The following GPC6 variants were observed in gnomAD, a reference collection of about 807,000 sequenced individuals.
GPC6 encodes the protein glypican 6, also known as glypican-6.
Under a neutral mutation model 55.2 loss-of-function variants are expected in GPC6, and 14 were observed. The observed-to-expected ratio is 0.25, with a 90% CI of 0.17 to 0.40. The LOEUF is 0.40. Among genes scored for constraint, GPC6 ranks in the 10% least tolerant of loss-of-function variants. The pLI is 1.00. For missense variants in GPC6, 641 were observed against 708.5 expected (o/e 0.90, Z 1.08); for synonymous variants, 278 against 259.6 (o/e 1.07, Z -0.68).
chr13:93,808,672 G>A (rs1372608747), intron 2 of GPC6, among the ~76,000 whole-genome samples: 1 of 152,198 alleles, frequency 6.6e-6, no homozygotes, highest in Non-Finnish European at 1.5e-5. Context: ...CCTATGGAAA[G>A]CAAGTTTATT....
rs1255297848 is a variant in GPC6, at chr13:93,354,359, T to TTTTGTTTTG, written c.160+126746_160+126747insGTTTTGTTT. Among the ~76,000 whole-genome samples the TTTTGTTTTG allele has an allele frequency of 1.5e-3, 212 of 138,632 alleles. 4 individuals are homozygous for TTTTGTTTTG. Among genetic ancestry groups the TTTTGTTTTG allele is most frequent in the South Asian group, 6.8e-3 (28 of 4,130 alleles). The allele number at this position is 138,632 out of a possible 152,430, so 90.9% of individuals were successfully genotyped here. A position where few individuals can be genotyped will look rare whatever the true frequency, so the allele number is the denominator to read the frequency against. On this transcript the variant is annotated intron_variant, in intron 1 of 8. Transcript: ENST00000377047. Reference sequence around the variant, plus strand: ...TGCTTCCGTTGGTAGATTTTTTTTTTTTTTTTTTTGAGACAGAGTCTCGCT... The same window carrying TTTTGTTTTG: ...TGCTTCCGTTGGTAGATTTTTTTTTTTTTGTTTTGTTTTTTTTTGAGACAGAGTCTCGCT...
At chr13:93,234,554 G>A (rs1876167527) in intron 1 of GPC6, among the ~76,000 whole-genome samples, 1 of 152,174 alleles carries the variant, frequency 6.6e-6, no homozygotes, top group Non-Finnish European at 1.5e-5. Context: ...TAGGACTAGA[G>A]TGGTGACCAT....
At chr13:93,305,975 T>A (rs997668318) in intron 1 of GPC6, among the ~76,000 whole-genome samples, 12 of 152,166 alleles carry the variant, frequency 7.9e-5, no homozygotes, top group African/African-American at 2.9e-4. Flanking sequence ...AAGATTAAGG[T>A]AGTTTTAAAA....
At position 93,881,162 on chromosome 13, in the gene GPC6, T is replaced by C. The variant is rs543373219; in HGVS notation, c.711+50617T>C. ...CTTGATGGTGGAAATAGAATGTGAG[T>C]AGAGCTGGTGTGGGGTGCACTGGTG... is the stretch of plus-strand genomic sequence containing the variant. On this transcript the variant is annotated intron_variant, in intron 3 of 8. Transcript: ENST00000377047. Among the ~76,000 whole-genome samples, 7 of 152,194 alleles carry C rather than the reference T, an allele frequency of 4.6e-5. No homozygotes were observed. In the South Asian group the frequency reaches 1.2e-3, roughly 27 times the overall value.
At chr13:93,473,694 C>T (rs927045129) in intron 1 of GPC6, among the ~76,000 whole-genome samples, 5 of 152,228 alleles carry the variant, frequency 3.3e-5, no homozygotes, top group Non-Finnish European at 7.3e-5. Flanking sequence ...CCTGACCATG[C>T]TGCTCCCCTA....
At chr13:94,238,976 T>C (rs760831531) in intron 4 of GPC6, among the ~76,000 whole-genome samples, 1 of 152,190 alleles carries the variant, frequency 6.6e-6, no homozygotes, top group Non-Finnish European at 1.5e-5. Flanking sequence ...TCATTCATAA[T>C]GCTATAGTTT....
intron 2 of GPC6, among the ~76,000 whole-genome samples, chr13:93,654,005 G>A (rs1442717656): frequency 6.6e-6 from 1 of 152,080 alleles, no homozygotes; most frequent in Non-Finnish European, 1.5e-5. Flanking sequence ...CCAGGAAATG[G>A]TGCATTACCA....
At chr13:94,288,749 A>AATATATATAATAAATATATATTTGTT (rs1566637345) in intron 5 of GPC6, among the ~76,000 whole-genome samples, 6 of 91,698 alleles carry the variant, frequency 6.5e-5, no homozygotes, top group Admixed American at 1.2e-4. Flanking sequence ...ATATATATAT[A>AATATATATAATAAATATATATTTGTT]ATATATATAA....
chr13:93,281,560 T>C (rs957020881), intron 1 of GPC6, among the ~76,000 whole-genome samples: 1 of 152,208 alleles, frequency 6.6e-6, no homozygotes, highest in Non-Finnish European at 1.5e-5. Flanking sequence ...ACACCTGTAA[T>C]CCCAGCACTT....
intron 3 of GPC6, among the ~76,000 whole-genome samples, chr13:93,935,865 T>G (rs1406425210): frequency 6.6e-6 from 1 of 152,234 alleles, no homozygotes; most frequent in Non-Finnish European, 1.5e-5. Context: ...TTGTGAAGAA[T>G]GCAGATTCCT....
At chr13:93,772,695 G>A (rs1309699939) in intron 2 of GPC6, among the ~76,000 whole-genome samples, 1 of 152,130 alleles carries the variant, frequency 6.6e-6, no homozygotes, top group Non-Finnish European at 1.5e-5. Context: ...AGAAGCTGGG[G>A]TGTGGAGGAA....
At chr13:93,786,458 T>C (rs913942) in intron 2 of GPC6, among the ~76,000 whole-genome samples, 101,704 of 151,862 alleles carry the variant, frequency 0.67, 34,692 homozygotes, top group East Asian at 0.81. Context: ...TTCATATAAG[T>C]GTCTTCTCTG....
intron 2 of GPC6, among the ~76,000 whole-genome samples, chr13:93,677,535 T>C (rs957436748): frequency 3.9e-5 from 6 of 152,106 alleles, no homozygotes; most frequent in African/African-American, 1.4e-4. Context: ...TGACTAAAGA[T>C]ATTGGCAATC....
intron 1 of GPC6, among the ~76,000 whole-genome samples, chr13:93,378,895 T>C (rs1015022400): frequency 6.6e-6 from 1 of 150,666 alleles, no homozygotes; most frequent in South Asian, 2.1e-4. Flanking sequence ...CTCCAGAGCC[T>C]GAGGCAGGAG....
Position 93,588,236 on chromosome 13 carries a change from G to A in GPC6, c.319+42815G>A, listed in dbSNP as rs145751961. ...GAGGCTACTTGAAGTATGTGTGTGCGTATGTTTAAAAAAATTACAAACTTG... is the reference window on the plus strand; with the variant it reads ...GAGGCTACTTGAAGTATGTGTGTGCATATGTTTAAAAAAATTACAAACTTG... On this transcript the variant is annotated intron_variant, in intron 2 of 8. Transcript: ENST00000377047. 2.8e-4 allele frequency among the ~76,000 whole-genome samples: 42 copies of A among 152,240 alleles called. No homozygotes were observed. In the East Asian group the frequency reaches 5.8e-3, roughly 21 times the overall value.
intron 1 of GPC6, among the ~76,000 whole-genome samples, chr13:93,537,820 G>T (rs984394781): frequency 6.6e-6 from 1 of 152,074 alleles, no homozygotes; most frequent in Non-Finnish European, 1.5e-5. Flanking sequence ...TTAGTAAGTG[G>T]TAAGGTCAAA....
chr13:94,257,681 G>T (rs1891545162), intron 4 of GPC6, among the ~76,000 whole-genome samples: 2 of 152,190 alleles, frequency 1.3e-5, no homozygotes, highest in South Asian at 4.1e-4. Flanking sequence ...CCAGTGCAGG[G>T]TCCCCTGTGA....
At chr13:93,276,684 G>T (rs993270559) in intron 1 of GPC6, among the ~76,000 whole-genome samples, 1 of 152,068 alleles carries the variant, frequency 6.6e-6, no homozygotes, top group African/African-American at 2.4e-5. Context: ...CGGAGGTGGT[G>T]CATGGAGCCA....
chr13:93,703,357 C>T (rs1341370970), intron 2 of GPC6, among the ~76,000 whole-genome samples: 2 of 151,794 alleles, frequency 1.3e-5, no homozygotes, highest in Non-Finnish European at 2.9e-5. Flanking sequence ...GATCACAGAT[C>T]TTCATACCAG....
Sources: gnomAD v4.1 joint callset for allele counts (sites outside exome capture counted in the v4.1 genomes callset) on GRCh38, gnomAD v4.1.1 for gene constraint, MANE v1.5 for transcripts, NCBI Gene and HGNC (gene_info 2026-07-23, HGNC 2026-07-21) for gene names.